Variants in NDUFAF2 observed in about 807,000 individuals in gnomAD.
The protein encoded by NDUFAF2 is NADH:ubiquinone oxidoreductase complex assembly factor 2.
Under a neutral mutation model 22.8 loss-of-function variants are expected in NDUFAF2, and 13 were observed. That is an observed-to-expected ratio of 0.57 (90% CI 0.37 to 0.91). The LOEUF (loss-of-function observed/expected upper bound fraction) is 0.91. Among genes scored for constraint, NDUFAF2 ranks in the 40% least tolerant of loss-of-function variants. The pLI, the probability that NDUFAF2 is intolerant of heterozygous loss-of-function variation, is 0.01. For missense variants in NDUFAF2, 162 were observed against 195.2 expected, an observed-to-expected ratio of 0.83 and a Z score of 1.01; for synonymous variants, 53 against 64.2, an observed-to-expected ratio of 0.83 and a Z score of 0.84.
chr5:61,069,169 T>C (rs1752265765), intron 1 of NDUFAF2, among the ~76,000 whole-genome samples: 1 of 150,616 alleles, frequency 6.6e-6, no homozygotes, highest in African/African-American at 2.4e-5. Context: ...CTAGGACCTC[T>C]CCCTTCTTCC....
rs185385039 is a variant in NDUFAF2, at chr5:61,031,804, G to A, written c.128-41321G>A. ...TAGATCCTTGAGGAATTGCCACACT[G>A]TCTTCCACAATGGTTGAACTAATTT... On this transcript the variant is annotated intron_variant, in intron 1 of 3. Coordinates refer to ENST00000296597, the MANE Select transcript of NDUFAF2 (RefSeq NM_174889.5). Among the ~76,000 whole-genome samples, 362 of 152,292 alleles carry A rather than the reference G, an allele frequency of 2.4e-3. 2 individuals carry two copies. Among genetic ancestry groups the A allele is most frequent in the African/African-American group, 8.4e-3 (349 of 41,570 alleles).
At chr5:61,127,634 G>A (rs1253311383) in intron 3 of NDUFAF2, among the ~76,000 whole-genome samples, 3 of 152,036 alleles carry the variant, frequency 2.0e-5, no homozygotes, top group Non-Finnish European at 4.4e-5. Flanking sequence ...GGTATTGATG[G>A]GACGTATCTC....
intron 1 of NDUFAF2, among the ~76,000 whole-genome samples, chr5:61,010,774 C>G (rs1463593377): frequency 2.0e-5 from 3 of 152,128 alleles, no homozygotes; most frequent in Non-Finnish European, 4.4e-5. Flanking sequence ...CAAATCACTA[C>G]ATTCGCTCTT....
intron 1 of NDUFAF2, among the ~76,000 whole-genome samples, chr5:61,043,703 ATGTGTG>A (rs201326548): frequency 9.9e-5 from 13 of 131,800 alleles, no homozygotes; most frequent in African/African-American, 3.4e-4. Flanking sequence ...GTGTGTGTGT[ATGTGTG>A]TGTGTGTGTG....
intron 1 of NDUFAF2, among the ~76,000 whole-genome samples, chr5:60,971,939 CTT>C (rs1193853669): frequency 9.5e-5 from 13 of 137,486 alleles, no homozygotes; most frequent in African/African-American, 2.2e-4. Context: ...GCCCCCCTCC[CTT>C]TTTTTTTTTT....
intron 1 of NDUFAF2, among the ~76,000 whole-genome samples, chr5:61,013,413 C>G (rs1488898352): frequency 6.6e-6 from 1 of 151,994 alleles, no homozygotes; most frequent in Non-Finnish European, 1.5e-5. Flanking sequence ...TTTCAACTCT[C>G]TTAAGGTATT....
intron 3 of NDUFAF2, among the ~76,000 whole-genome samples, chr5:61,136,005 T>TTA (rs57756292): frequency 0.013 from 1,289 of 95,794 alleles, 67 homozygotes; most frequent in African/African-American, 0.032. Context: ...AAGCCTGTCT[T>TTA]TATATATATA....
intron 1 of NDUFAF2, among the ~76,000 whole-genome samples, chr5:60,959,647 C>G (rs537889943): frequency 6.6e-6 from 1 of 152,112 alleles, no homozygotes; most frequent in South Asian, 2.1e-4. Context: ...TTGATTTTAG[C>G]TAAAACATGC....
chr5:61,003,645 C>CT (rs33941286), intron 1 of NDUFAF2, among the ~76,000 whole-genome samples: 7,948 of 121,738 alleles, frequency 0.065, 375 homozygotes, highest in Middle Eastern at 0.12. Flanking sequence ...AAAATCTATA[C>CT]TTTTTTTTTT....
chr5:61,027,767 T>G (rs1485582921), intron 1 of NDUFAF2, among the ~76,000 whole-genome samples: 1 of 151,984 alleles, frequency 6.6e-6, no homozygotes, highest in African/African-American at 2.4e-5. Flanking sequence ...AGCCTCCTTT[T>G]TTTCTTCTTA....
At chr5:61,104,804 A>G (rs548251354) in intron 3 of NDUFAF2, among the ~76,000 whole-genome samples, 1 of 152,152 alleles carries the variant, frequency 6.6e-6, no homozygotes, top group East Asian at 1.9e-4. Context: ...TAAATATGAC[A>G]TTGGAATAAG....
intron 1 of NDUFAF2, among the ~76,000 whole-genome samples, chr5:61,043,192 C>T (rs561512245): frequency 6.6e-6 from 1 of 152,056 alleles, no homozygotes; most frequent in Admixed American, 6.5e-5. Flanking sequence ...TGCACTCCAG[C>T]CTTGGGGACA....
At chr5:61,032,091 A>C (rs1399398239) in intron 1 of NDUFAF2, among the ~76,000 whole-genome samples, 1 of 151,836 alleles carries the variant, frequency 6.6e-6, no homozygotes, top group African/African-American at 2.4e-5. Flanking sequence ...TTTTCTTGTA[A>C]ATTTGTTTAA....
chr5:61,004,140 T>C (rs1034015719), intron 1 of NDUFAF2, among the ~76,000 whole-genome samples: 2 of 152,146 alleles, frequency 1.3e-5, no homozygotes, highest in African/African-American at 4.8e-5. Context: ...TGCATCTATG[T>C]TATTTATTTA....
chr5:61,037,153 C>T lies in NDUFAF2; in HGVS notation c.128-35972C>T, dbSNP rs151288566. 1.6e-3 allele frequency among the ~76,000 whole-genome samples: 242 copies of T among 152,222 alleles called. 1 individual carries two copies. Among genetic ancestry groups the T allele is most frequent in the African/African-American group, 5.0e-3 (209 of 41,538 alleles). The stretch of plus-strand genomic sequence containing the variant: ...AAAAACAAAATTTAAAGATAAGTCT[C>T]TGGAAGATTTGTGTTTAGGCGGTGA... On this transcript the variant is annotated intron_variant, in intron 1 of 3. Coordinates refer to ENST00000296597, the MANE Select transcript of NDUFAF2 (RefSeq NM_174889.5).
intron 3 of NDUFAF2, among the ~76,000 whole-genome samples, chr5:61,143,170 G>A (rs979630570): frequency 2.0e-5 from 3 of 151,982 alleles, no homozygotes; most frequent in Non-Finnish European, 4.4e-5. Flanking sequence ...ATTCTGGGAG[G>A]CTACTTTCTG....
chr5:61,080,043 A>G (rs111378166), intron 2 of NDUFAF2, among the ~76,000 whole-genome samples: 1 of 152,150 alleles, frequency 6.6e-6, no homozygotes, highest in Non-Finnish European at 1.5e-5. Context: ...CATCTTGACT[A>G]GAAGCAAAAG....
chr5:61,124,028 A>T (rs917544370), intron 3 of NDUFAF2, among the ~76,000 whole-genome samples: 1 of 152,084 alleles, frequency 6.6e-6, no homozygotes, highest in African/African-American at 2.4e-5. Flanking sequence ...TTTGTTGTTT[A>T]TGCGTTTTTG....
Position 61,133,218 on chromosome 5 carries a change from T to C in NDUFAF2, c.259-19486T>C, listed in dbSNP as rs572128292. ...GCTACGCTGTGGGTAAATTCCTTAA[T>C]GTGTACTAGACAGGGAATATAACCA... On this transcript the variant is annotated intron_variant, in intron 3 of 3. Transcript: ENST00000296597. Among the ~76,000 whole-genome samples, 7 of 152,334 alleles carry C rather than the reference T, an allele frequency of 4.6e-5. No homozygotes were observed. In the East Asian group the frequency reaches 1.3e-3, roughly 29 times the overall value.
Sources: gnomAD v4.1 joint callset for allele counts (sites outside exome capture counted in the v4.1 genomes callset) on GRCh38, gnomAD v4.1.1 for gene constraint, MANE v1.5 for transcripts, NCBI Gene and HGNC (gene_info 2026-07-23, HGNC 2026-07-21) for gene names.